The following DEFB131B variants were observed in gnomAD, a reference collection of about 807,000 sequenced individuals.
DEFB131B encodes beta-defensin 131B.
Under a neutral mutation model 2.1 loss-of-function variants are expected in DEFB131B, and 2 were observed. The ratio of observed to expected loss-of-function variants is 0.94; its 90% CI spans 0.38 to 2.95. The LOEUF (loss-of-function observed/expected upper bound fraction) is 2.95. Among genes scored for constraint, DEFB131B ranks in the 30% most tolerant of loss-of-function variants. The probability of loss-of-function intolerance (pLI) is 0.09; values close to 1 mark genes in which losing one functional copy is unlikely to be tolerated. For synonymous variants in DEFB131B, 26 were observed against 25.8 expected (o/e 1.01, Z -0.03); for missense variants, 77 against 78.5 (o/e 0.98, Z 0.07).
At chr11:71,879,576 C>T (rs1025696411) in intron 1 of DEFB131B, among the ~76,000 whole-genome samples, 1 of 151,886 alleles carries the variant, frequency 6.6e-6, no homozygotes, top group Non-Finnish European at 1.5e-5. Flanking sequence ...ATAATTATGC[C>T]TTTCCCCCAT....
At chr11:71,883,399 G>A (rs1334098068) in intron 1 of DEFB131B, among the ~76,000 whole-genome samples, 1 of 152,124 alleles carries the variant, frequency 6.6e-6, no homozygotes, top group Admixed American at 6.5e-5. Context: ...AGACATATAG[G>A]CCACTGGAAG....
rs1952600371 is a variant in DEFB131B at position 71,884,288 on chromosome 11, T to G, written c.59-119T>G. On this transcript the variant is annotated intron_variant, in intron 1 of 1. Transcript: ENST00000530210. ...TTTTTCTCTTGCATTCTTTTGCTGT[T>G]GTTTTTGTTTTTCTGGGAAAGTTCT... 5 of 1,200,230 alleles carry G rather than the reference T, an allele frequency of 4.2e-6. No individual in the cohort carries two copies. In the Admixed American group the frequency reaches 1.8e-4, roughly 43 times the overall value. 74.3% of individuals were successfully genotyped at this position (1,200,230 alleles called of 1,614,324 possible). A position where few individuals can be genotyped will look rare whatever the true frequency, so the allele number is the denominator to read the frequency against.
chr11:71,880,969 G>A (rs1275634815), intron 1 of DEFB131B, among the ~76,000 whole-genome samples: 2 of 152,216 alleles, frequency 1.3e-5, no homozygotes, highest in Admixed American at 1.3e-4. Flanking sequence ...GTGATGAGGA[G>A]AAGAATGTGT....
Position 71,880,407 on chromosome 11 carries a change from TTTG to T in DEFB131B, c.58+1900_58+1902del, listed in dbSNP as rs539193452. 2.8e-4 allele frequency among the ~76,000 whole-genome samples: 42 copies of T among 152,250 alleles called. 1 individual carries two copies. Among genetic ancestry groups the T allele is most frequent in the African/African-American group, 7.9e-4 (33 of 41,576 alleles). ...ATTTTATTTATTTGGCATTCTCTCT[TTTG>T]TTCTTGGTTAGTCTAGCTAGCAGTT... On this transcript the variant is annotated intron_variant, in intron 1 of 1. Transcript: ENST00000530210.
At chr11:71,884,078 C>A (rs1952597423) in intron 1 of DEFB131B, among the ~76,000 whole-genome samples, 1 of 152,178 alleles carries the variant, frequency 6.6e-6, no homozygotes, top group African/African-American at 2.4e-5. Flanking sequence ...GAATTTAACT[C>A]CAGAAATTAA....
chr11:71,883,121 A>G (rs558853149), intron 1 of DEFB131B, among the ~76,000 whole-genome samples: 32 of 152,340 alleles, frequency 2.1e-4, no homozygotes, highest in African/African-American at 7.5e-4. Flanking sequence ...AAGATATCCT[A>G]TGTTCATGAA....
intron 1 of DEFB131B, among the ~76,000 whole-genome samples, chr11:71,882,566 T>A (rs1046669958): frequency 1.3e-5 from 2 of 152,226 alleles, no homozygotes; most frequent in African/African-American, 4.8e-5. Flanking sequence ...CATAATTTTC[T>A]TAGGTAACCA....
chr11:71,881,104 T>A (rs1390642937), intron 1 of DEFB131B, among the ~76,000 whole-genome samples: 1 of 152,220 alleles, frequency 6.6e-6, no homozygotes, highest in African/African-American at 2.4e-5. Flanking sequence ...ATGCTGAAAG[T>A]GGGGTATTGA....
intron 1 of DEFB131B, among the ~76,000 whole-genome samples, chr11:71,880,385 T>G (rs982909869): frequency 6.6e-6 from 1 of 152,168 alleles, no homozygotes; most frequent in African/African-American, 2.4e-5. Context: ...ATTTCTGATT[T>G]TATTTATTTG....
intron 1 of DEFB131B, among the ~76,000 whole-genome samples, chr11:71,880,671 C>G (rs951462650): frequency 3.9e-5 from 6 of 152,094 alleles, no homozygotes; most frequent in Non-Finnish European, 7.4e-5. Flanking sequence ...TCTCTTAGCA[C>G]TGTCTTTGTT....
At chr11:71,878,793 C>T (rs1952540946) in intron 1 of DEFB131B, among the ~76,000 whole-genome samples, 1 of 151,526 alleles carries the variant, frequency 6.6e-6, no homozygotes, top group African/African-American at 2.4e-5. Flanking sequence ...CTAGACCAGC[C>T]CGGTGGGGGC....
intron 1 of DEFB131B, among the ~76,000 whole-genome samples, chr11:71,882,087 GA>G (rs1024643370): frequency 6.6e-6 from 1 of 151,162 alleles, no homozygotes; most frequent in Non-Finnish European, 1.5e-5. Flanking sequence ...AAGACGAAAA[GA>G]AAATCTTAAA....
chr11:71,884,342 T>C lies in DEFB131B; in HGVS notation c.59-65T>C, dbSNP rs1017775788. 2.1e-6 allele frequency: 3 copies of C among 1,419,286 alleles called. No homozygotes were observed. The African/African-American group carries it at 4.4e-5, about 21-fold the overall frequency. The allele number at this position is 1,419,286 out of a possible 1,614,324, so 87.9% of individuals were successfully genotyped here. A position where few individuals can be genotyped will look rare whatever the true frequency, so the allele number is the denominator to read the frequency against. On this transcript the variant is annotated intron_variant, in intron 1 of 1. Transcript: ENST00000530210. Reference sequence around the variant, plus strand: ...ATGCTTTTAATTTATTATAAAACATTTCAGACATTTAAACATAAAAAGTAA... The same window carrying C: ...ATGCTTTTAATTTATTATAAAACATCTCAGACATTTAAACATAAAAAGTAA...
intron 1 of DEFB131B, among the ~76,000 whole-genome samples, chr11:71,878,783 C>T (rs1160138023): frequency 1.3e-5 from 2 of 151,236 alleles, no homozygotes; most frequent in African/African-American, 4.9e-5. Flanking sequence ...CTTGGGAGTT[C>T]TAGACCAGCC....
At chr11:71,880,816 A>G (rs112585125) in intron 1 of DEFB131B, among the ~76,000 whole-genome samples, 1 of 152,138 alleles carries the variant, frequency 6.6e-6, no homozygotes, top group African/African-American at 2.4e-5. Context: ...TTATCTGTAT[A>G]GTTTCCAAAG....
chr11:71,879,112 C>T (rs1001740956), intron 1 of DEFB131B, among the ~76,000 whole-genome samples: 27 of 152,168 alleles, frequency 1.8e-4, no homozygotes, highest in African/African-American at 5.3e-4. Flanking sequence ...AAATGAAAAG[C>T]GAATGAAGAC....
intron 1 of DEFB131B, among the ~76,000 whole-genome samples, chr11:71,883,466 A>G (rs1952589571): frequency 6.6e-6 from 1 of 152,184 alleles, no homozygotes; most frequent in Admixed American, 6.5e-5. Flanking sequence ...CCTTCAACAA[A>G]CATGCGAAGA....
chr11:71,879,115 A>T (rs185484106), intron 1 of DEFB131B, among the ~76,000 whole-genome samples: 2 of 152,324 alleles, frequency 1.3e-5, no homozygotes, highest in East Asian at 3.9e-4. Flanking sequence ...TGAAAAGCGA[A>T]TGAAGACTAG....
chr11:71,878,583 C>G, intron 1 of DEFB131B, 73 bp downstream of exon 1: 1 of 1,515,522 alleles, frequency 6.6e-7, no homozygotes, highest in South Asian at 1.2e-5. Context: ...TTTCAAGAGT[C>G]TGAAAATAAA....
Sources: allele counts gnomAD v4.1 joint callset (sites outside exome capture counted in the v4.1 genomes callset), GRCh38; gene constraint gnomAD v4.1.1; transcripts MANE v1.5; gene names NCBI Gene and HGNC (gene_info 2026-07-23, HGNC 2026-07-21).